TFRC: variants seen among roughly 807,000 people sequenced by gnomAD.
The protein encoded by TFRC is transferrin receptor protein 1.
A neutral mutation model predicts 85.8 loss-of-function variants in TFRC; 35 were observed. The observed-to-expected ratio is 0.41, with a 90% CI of 0.31 to 0.54. The LOEUF (loss-of-function observed/expected upper bound fraction) is 0.54. TFRC is among the 20% of genes least tolerant of loss of function. The pLI is 0.31. For synonymous variants in TFRC, 362 were observed against 328.6 expected (o/e 1.10, Z -1.10); for missense variants, 828 against 921.5 (o/e 0.90, Z 1.31).
rs973985295 is a variant in TFRC at position 196,051,000 on chromosome 3, C to T, written c.*942G>A. ...TCATAATTATGGAAGGCACTGCTTCCGATAATTATATTCTATTAAAAAAAC... is the reference window on the plus strand; with the variant it reads ...TCATAATTATGGAAGGCACTGCTTCTGATAATTATATTCTATTAAAAAAAC... On this transcript the variant is annotated 3_prime_UTR_variant, in exon 19 of 19. Coordinates refer to ENST00000360110, the MANE Select transcript of TFRC (RefSeq NM_001128148.3). The T allele has an allele frequency of 3.0e-5, 6 of 202,550 alleles. No homozygotes were observed. The highest frequency in any genetic ancestry group is 1.1e-4 in the African/African-American group (5 of 43,562). The allele number at this position is 202,550 out of a possible 1,614,324, so 12.5% of individuals were successfully genotyped here.
chr3:196,050,148 G>A lies in TFRC; in HGVS notation c.*1794C>T, dbSNP rs550234813. 2.2e-4 allele frequency: 51 copies of A among 229,488 alleles called. No individual in the cohort carries two copies. Among genetic ancestry groups the A allele is most frequent in the Non-Finnish European group, 2.6e-4 (30 of 115,798 alleles). The allele number at this position is 229,488 out of a possible 1,614,324, so 14.2% of individuals were successfully genotyped here. A position where few individuals can be genotyped will look rare whatever the true frequency, so the allele number is the denominator to read the frequency against. Reference sequence around the variant, plus strand: ...GTCAATTCTGGATTAAAACTTGTCCGCACTAAGTTTATAGGAGGTAACATG... The same window carrying A: ...GTCAATTCTGGATTAAAACTTGTCCACACTAAGTTTATAGGAGGTAACATG... On this transcript the variant is annotated 3_prime_UTR_variant, in exon 19 of 19. Transcript: ENST00000360110.
intron 5 of TFRC, 64 bp downstream of exon 5, chr3:196,071,939 C>G (rs539823525): frequency 6.4e-7 from 1 of 1,550,928 alleles, no homozygotes; most frequent in East Asian, 2.3e-5. Context: ...AAAGTCTTTG[C>G]TATATTTAGC....
At chr3:196,053,099 A>G (rs1716475602) in intron 18 of TFRC, among the ~76,000 whole-genome samples, 1 of 151,530 alleles carries the variant, frequency 6.6e-6, no homozygotes, top group Non-Finnish European at 1.5e-5. Context: ...GGGCAACAAC[A>G]GTGAAACTCT....
At chr3:196,057,011 G>A (rs937612061) in intron 16 of TFRC, among the ~76,000 whole-genome samples, 3 of 152,094 alleles carry the variant, frequency 2.0e-5, no homozygotes, top group African/African-American at 7.2e-5. Flanking sequence ...TAGCAGAGAC[G>A]GGGTTTCACC....
intron 18 of TFRC, 123 bp downstream of exon 18, chr3:196,053,295 C>A: frequency 9.3e-7 from 1 of 1,074,986 alleles, no homozygotes; most frequent in South Asian, 1.5e-5. Flanking sequence ...GACAGCTAAA[C>A]CATTAATGCT....
chr3:196,077,322 T>C (rs2108659117), intron 1 of TFRC, among the ~76,000 whole-genome samples, 200 bp from the exon 2 acceptor site: 1 of 152,244 alleles, frequency 6.6e-6, no homozygotes, highest in South Asian at 2.1e-4. Flanking sequence ...ATTCTTTTTT[T>C]TTCTTTTTGT....
chr3:196,054,998 AACAGGAACAC>A lies in TFRC; in HGVS notation c.1899+72_1899+81del, dbSNP rs1341106489. 1.3e-5 allele frequency: 17 copies of A among 1,357,280 alleles called. No homozygotes were observed. In the African/African-American group the frequency reaches 1.3e-4, roughly 10 times the overall value. 84.1% of individuals were successfully genotyped at this position (1,357,280 alleles called of 1,614,324 possible). A position where few individuals can be genotyped will look rare whatever the true frequency, so the allele number is the denominator to read the frequency against. On this transcript the variant is annotated intron_variant, in intron 17 of 18. Transcript: ENST00000360110. ...GTACTATGGCTACAATCACCCTTCCAACAGGAACACACAGGAACACATCACATTTCAAAAT... is the reference window on the plus strand; with the variant it reads ...GTACTATGGCTACAATCACCCTTCCAACAGGAACACATCACATTTCAAAAT...
chr3:196,054,170 G>A (rs151327252), intron 17 of TFRC, among the ~76,000 whole-genome samples: 153 of 152,202 alleles, frequency 1.0e-3, no homozygotes, highest in Middle Eastern at 3.4e-3. Flanking sequence ...CCCGGGAGGC[G>A]CATCTTACAG....
chr3:196,060,502 A>T (rs1717180092), intron 13 of TFRC: 1 of 418,464 alleles, frequency 2.4e-6, no homozygotes, highest in African/African-American at 2.1e-5. Flanking sequence ...TTTTTTAAAA[A>T]TATCAGAGCA....
intron 1 of TFRC, among the ~76,000 whole-genome samples, chr3:196,078,403 A>C (rs1342507206): frequency 1.3e-5 from 2 of 152,186 alleles, no homozygotes; most frequent in Non-Finnish European, 2.9e-5. Context: ...TCATGCCTGT[A>C]ATCCCAACAC....
chr3:196,070,619 TA>T (rs1228567630), intron 6 of TFRC, among the ~76,000 whole-genome samples: 1 of 151,908 alleles, frequency 6.6e-6, no homozygotes, highest in Non-Finnish European at 1.5e-5. Flanking sequence ...TTAATTTGAC[TA>T]TATTTGCCTA....
chr3:196,053,468 C>T lies in TFRC; in HGVS notation c.1990G>A (p.Glu664Lys). The T allele has an allele frequency of 6.2e-7, 1 of 1,614,208 alleles. No homozygotes were observed. Among genetic ancestry groups the T allele is most frequent in the Middle Eastern group, 1.6e-4 (1 of 6,062 alleles). ...TTCATGACAAATCTGTCTGTTTTCTCAGCATTCCCGAAATCTGTTGTTAGT... is the reference window on the plus strand; with the variant it reads ...TTCATGACAAATCTGTCTGTTTTCTTAGCATTCCCGAAATCTGTTGTTAGT... ...SRLTTDFGNAEKTDRFVMKKL... is the reference protein window; with the variant it reads ...SRLTTDFGNAKKTDRFVMKKL... The change falls in exon 18 of 19, where the codon GAG becomes AAG. Residue 664 changes from glutamate (E) to lysine (K), a missense_variant. Physicochemically the swap from Glu to Lys is moderately conservative, Grantham distance 56 (BLOSUM62 1). Coordinates refer to ENST00000360110, the MANE Select transcript of TFRC (RefSeq NM_001128148.3).
intron 17 of TFRC, among the ~76,000 whole-genome samples, chr3:196,054,407 C>CAAAAAAAAAAAAAAAAAAA (rs1160849553): frequency 5.6e-4 from 83 of 149,466 alleles, no homozygotes; most frequent in Non-Finnish European, 1.0e-3. Flanking sequence ...CTTCATCTCT[C>CAAAAAAAAAAAAAAAAAAA]AAAAAAAATA....
intron 11 of TFRC, 149 bp from the exon 12 acceptor site, chr3:196,063,088 A>C (rs1577230614): frequency 4.9e-6 from 3 of 610,100 alleles, no homozygotes; most frequent in Non-Finnish European, 8.4e-6. Context: ...GAAAAAAAAA[A>C]CTAACAAAAT....
chr3:196,072,171 T>C lies in TFRC; in HGVS notation c.435-19A>G. The C allele has an allele frequency of 6.2e-7, 1 of 1,609,136 alleles. No individual in the cohort carries two copies. Among genetic ancestry groups the C allele is most frequent in the Non-Finnish European group, 8.5e-7 (1 of 1,178,942 alleles). On this transcript the variant is annotated intron_variant, in intron 4 of 18. Coordinates refer to ENST00000360110, the MANE Select transcript of TFRC (RefSeq NM_001128148.3). ...CAGCAGCCTGGAGGAGAAAATGCCT[T>C]TTAAATGAACTTAAGTTTACTTTAA... is the stretch of plus-strand genomic sequence containing the variant.
chr3:196,074,237 T>C, intron 3 of TFRC, 112 bp from the exon 4 acceptor site: 1 of 1,018,170 alleles, frequency 9.8e-7, no homozygotes, highest in Non-Finnish European at 1.4e-6. Context: ...CATCAAATTC[T>C]AAGTAGTTTT....
Position 196,051,715 on chromosome 3 carries a change from G to T in TFRC, c.*227C>A. 1 of 523,428 alleles carries T rather than the reference G, an allele frequency of 1.9e-6. No individual in the cohort carries two copies. The highest frequency in any genetic ancestry group is 3.4e-6 in the Non-Finnish European group (1 of 296,986). 32.4% of individuals were successfully genotyped at this position (523,428 alleles called of 1,614,324 possible). ...AGCACTTAAAATTCTAGAGATAGGG[G>T]AATATTCCATCATGGACATTTTTTA... is the stretch of plus-strand genomic sequence containing the variant. On this transcript the variant is annotated 3_prime_UTR_variant, in exon 19 of 19. Coordinates refer to ENST00000360110, the MANE Select transcript of TFRC (RefSeq NM_001128148.3).
In TFRC at chr3:196,075,495, A is replaced by G. The variant is rs9877119; in HGVS notation, c.37-135T>C. 0.54 allele frequency: 423,437 copies of G among 782,468 alleles called. 121,740 individuals are homozygous for G. The highest frequency in any genetic ancestry group is 0.64 in the Middle Eastern group (1,760 of 2,762). 48.5% of individuals were successfully genotyped at this position (782,468 alleles called of 1,614,324 possible). ...CTTAGGGTGTTCTCCTTTCAAACCAACATTCTTCCCTGGGCCCAGTCAAGG... is the reference window on the plus strand; with the variant it reads ...CTTAGGGTGTTCTCCTTTCAAACCAGCATTCTTCCCTGGGCCCAGTCAAGG... On this transcript the variant is annotated intron_variant, in intron 2 of 18. Coordinates refer to ENST00000360110, the MANE Select transcript of TFRC (RefSeq NM_001128148.3).
chr3:196,052,055 C>CGTG lies in TFRC; in HGVS notation c.2169_2170insCAC (p.Asn723_Gly724insHis), dbSNP rs1260465817. The stretch of plus-strand genomic sequence containing the variant: ...CTGAACAGCGTTTCATTAAAAGCAC[C>CGTG]GTTATTTTGTTTACGCAGTTTCAAG... On this transcript the variant is annotated inframe_insertion, in exon 19 of 19. Coordinates refer to ENST00000360110, the MANE Select transcript of TFRC (RefSeq NM_001128148.3). 2 of 1,613,992 alleles carry CGTG rather than the reference C, an allele frequency of 1.2e-6. No homozygotes were observed. Among genetic ancestry groups the CGTG allele is most frequent in the African/African-American group, 2.7e-5 (2 of 74,898 alleles).
Sources: gnomAD v4.1 joint callset for allele counts (sites outside exome capture counted in the v4.1 genomes callset) on GRCh38, gnomAD v4.1.1 for gene constraint, MANE v1.5 for transcripts, NCBI Gene and HGNC (gene_info 2026-07-23, HGNC 2026-07-21) for gene names.